The following SNX4 variants were observed in gnomAD, a reference collection of about 807,000 sequenced individuals.
The protein encoded by SNX4 is sorting nexin-4.
Under a neutral mutation model 70.8 loss-of-function variants are expected in SNX4, and 49 were observed. The observed-to-expected ratio is 0.69, with a 90% CI of 0.55 to 0.88. The LOEUF is 0.88. Among genes scored for constraint, SNX4 ranks in the 40% least tolerant of loss-of-function variants. The probability of loss-of-function intolerance (pLI) is 0.00; values close to 1 mark genes in which losing one functional copy is unlikely to be tolerated. For missense variants in SNX4, 528 were observed against 544.8 expected (o/e 0.97, Z 0.31); for synonymous variants, 206 against 183.8 (o/e 1.12, Z -0.98).
At chr3:125,473,563 CGCCATCATGCCCG>C (rs1231589388) in intron 8 of SNX4, among the ~76,000 whole-genome samples, 1 of 152,064 alleles carries the variant, frequency 6.6e-6, no homozygotes, top group Non-Finnish European at 1.5e-5. Flanking sequence ...TACAGGCACA[CGCCATCATGCCCG>C]GCTAATTTTT....
chr3:125,519,022 A>T (rs188109502), intron 1 of SNX4, among the ~76,000 whole-genome samples: 195 of 151,944 alleles, frequency 1.3e-3, no homozygotes, highest in South Asian at 3.5e-3. Flanking sequence ...ATAAATAAAT[A>T]AATAAATTAA....
chr3:125,506,539 C>T (rs917281867), intron 1 of SNX4, among the ~76,000 whole-genome samples: 5 of 141,044 alleles, frequency 3.5e-5, no homozygotes, highest in Admixed American at 7.5e-5. Context: ...GACAGTCTTG[C>T]TCTATCGCCA....
chr3:125,448,516 A>G (rs1016341736), intron 13 of SNX4, among the ~76,000 whole-genome samples: 3 of 152,024 alleles, frequency 2.0e-5, no homozygotes, highest in Non-Finnish European at 2.9e-5. Flanking sequence ...TATCACTCTA[A>G]TAACTAAAGT....
Position 125,497,398 on chromosome 3 carries a change from G to C in SNX4, c.550-10C>G, listed in dbSNP as rs747207457. The stretch of plus-strand genomic sequence containing the variant: ...CCTTCCAGTTACCTTCCTAAAAATT[G>C]AAGTTAATTTTAGAAATCATTATTG... On this transcript the variant is annotated splice_polypyrimidine_tract_variant and intron_variant, in intron 4 of 13. Coordinates refer to ENST00000251775, the MANE Select transcript of SNX4 (RefSeq NM_003794.4). 1 of 1,569,406 alleles carries C rather than the reference G, an allele frequency of 6.4e-7. No individual in the cohort carries two copies. The highest frequency in any genetic ancestry group is 1.4e-5 in the African/African-American group (1 of 73,990).
At chr3:125,476,350 T>C (rs1269615856) in intron 8 of SNX4, among the ~76,000 whole-genome samples, 1 of 146,268 alleles carries the variant, frequency 6.8e-6, no homozygotes, top group East Asian at 2.1e-4. Context: ...GGCAGGCAGA[T>C]CACTTGAGGT....
At chr3:125,489,979 A>C (rs963775829) in intron 5 of SNX4, among the ~76,000 whole-genome samples, 5 of 152,140 alleles carry the variant, frequency 3.3e-5, no homozygotes, top group Admixed American at 6.5e-5. Flanking sequence ...ATACAAAAAA[A>C]TTAACTGGGT....
chr3:125,489,605 A>T, intron 5 of SNX4, 142 bp from the exon 6 acceptor site: 1 of 660,878 alleles, frequency 1.5e-6, no homozygotes, highest in South Asian at 1.9e-5. Context: ...ACATGCCTAA[A>T]AAAATAGCTT....
intron 1 of SNX4, among the ~76,000 whole-genome samples, chr3:125,506,418 G>A (rs995096848): frequency 4.7e-5 from 7 of 149,858 alleles, no homozygotes; most frequent in African/African-American, 1.7e-4. Context: ...TCAATTCAGC[G>A]CAACCTCAGG....
intron 6 of SNX4, among the ~76,000 whole-genome samples, chr3:125,483,440 A>T (rs1246859332): frequency 3.9e-5 from 6 of 152,164 alleles, no homozygotes; most frequent in Admixed American, 2.6e-4. Context: ...ATCTGGCATG[A>T]CTACAAAATT....
chr3:125,447,931 G>C lies in SNX4; in HGVS notation c.1306-105C>G, dbSNP rs562176509. On this transcript the variant is annotated intron_variant, in intron 13 of 13. Transcript: ENST00000251775. ...AAGTTTTGCTTTTTGGAATAATTAAGAAGTCGAGAAAATATGACACTATTT... is the reference window on the plus strand; with the variant it reads ...AAGTTTTGCTTTTTGGAATAATTAACAAGTCGAGAAAATATGACACTATTT... 272 of 649,376 alleles carry C rather than the reference G, an allele frequency of 4.2e-4. 2 individuals are homozygous for C. The South Asian group carries it at 5.4e-3, about 13-fold the overall frequency. 40.2% of individuals were successfully genotyped at this position (649,376 alleles called of 1,614,324 possible).
intron 13 of SNX4, among the ~76,000 whole-genome samples, chr3:125,450,535 G>T (rs1457353888): frequency 2.0e-5 from 3 of 152,174 alleles, no homozygotes; most frequent in Admixed American, 1.3e-4. Flanking sequence ...ATGTAAAAGT[G>T]CTTGATAAAT....
At chr3:125,494,707 T>C (rs1934743759) in intron 5 of SNX4, among the ~76,000 whole-genome samples, 1 of 152,210 alleles carries the variant, frequency 6.6e-6, no homozygotes, top group Non-Finnish European at 1.5e-5. Flanking sequence ...AACAATCCCA[T>C]CAACTGAGTT....
Position 125,453,795 on chromosome 3 carries a change from T to A in SNX4, c.1190+15A>T, listed in dbSNP as rs1176591777. ...TCTACAAGCCTAGCTTACTTAAACA[T>A]CGCAGCATCTTTACCTGCCTTCCAG... On this transcript the variant is annotated intron_variant, in intron 12 of 13. Transcript: ENST00000251775. 1.2e-6 allele frequency: 2 copies of A among 1,612,802 alleles called. No individual in the cohort carries two copies. Among genetic ancestry groups the A allele is most frequent in the African/African-American group, 2.7e-5 (2 of 74,870 alleles).
At chr3:125,490,766 C>T (rs986987391) in intron 5 of SNX4, among the ~76,000 whole-genome samples, 4 of 150,862 alleles carry the variant, frequency 2.7e-5, no homozygotes, top group African/African-American at 9.7e-5. Flanking sequence ...CCTGTCCTGT[C>T]CTAAATTCTC....
intron 10 of SNX4, among the ~76,000 whole-genome samples, chr3:125,458,170 A>ATTT (rs397875260): frequency 5.7e-5 from 7 of 122,718 alleles, no homozygotes; most frequent in Non-Finnish European, 6.7e-5. Flanking sequence ...TCTATTAGGT[A>ATTT]TTTTTTTTTT....
In SNX4 at chr3:125,457,300, G is replaced by A. The variant is rs771740682; in HGVS notation, c.1010C>T (p.Ser337Phe). The change falls in exon 11 of 14, where the codon TCC becomes TTC. Residue 337 changes from serine to phenylalanine, a missense_variant. Around this residue, in one of 3 missense-constraint regions of SNX4, gnomAD observed 159 missense variants for 172.6 expected, o/e 0.92. Transcript: ENST00000251775. ...CAGTTCCTCACACTGCTGCTTCTTG[G>A]ATGCTAAGTCCTGAGCAGCCATCTC... is the stretch of plus-strand genomic sequence containing the variant. ...DLEMAAQDLASKKQQCEELVT... is the reference protein window; with the variant it reads ...DLEMAAQDLAFKKQQCEELVT... 1.9e-6 allele frequency: 3 copies of A among 1,613,830 alleles called. No homozygotes were observed. Among genetic ancestry groups the A allele is most frequent in the East Asian group, 4.5e-5 (2 of 44,874 alleles).
At position 125,497,942 on chromosome 3, in the gene SNX4, A is replaced by G; in HGVS notation, c.441T>C (p.Asp147=). The G allele has an allele frequency of 6.2e-7, 1 of 1,614,178 alleles. No individual in the cohort carries two copies. The highest frequency in any genetic ancestry group is 1.1e-5 in the South Asian group (1 of 91,078). The stretch of plus-strand genomic sequence containing the variant: ...TCCGTCGCCTCTCCACAAAATCTGG[A>G]TCCATGTTGTCAGCAGAGAGTTTAT... ...VWHKLSADNM[D]PDFVERRRIG... The change falls in exon 4 of 14, where the codon GAT becomes GAC. Residue 147 remains aspartate (D), a synonymous_variant. Transcript: ENST00000251775.
In SNX4 at chr3:125,459,271, T is replaced by C. The variant is rs72977719; in HGVS notation, c.944+1500A>G. 7.2e-3 allele frequency among the ~76,000 whole-genome samples: 1,101 copies of C among 152,344 alleles called. 7 individuals carry two copies. The highest frequency in any genetic ancestry group is 0.022 in the African/African-American group (895 of 41,584). On this transcript the variant is annotated intron_variant, in intron 10 of 13. Transcript: ENST00000251775. ...ATATAATCGGTGTTACCAGATAGTA[T>C]ATAATCTTTCAGAATTTAGCTAGGC...
Position 125,460,877 on chromosome 3 carries a change from AAC to A in SNX4, c.855-19_855-18del. ...GATGCATACCTGTTTTAAAAAAAAA[AAC>A]ACACATTGCATAGAGTTACTTTCAT... is the stretch of plus-strand genomic sequence containing the variant. On this transcript the variant is annotated intron_variant, in intron 9 of 13. Coordinates refer to ENST00000251775, the MANE Select transcript of SNX4 (RefSeq NM_003794.4). 1 of 1,229,850 alleles carries A rather than the reference AAC, an allele frequency of 8.1e-7. No individual in the cohort carries two copies. The highest frequency in any genetic ancestry group is 1.9e-5 in the African/African-American group (1 of 52,232). 76.2% of individuals were successfully genotyped at this position (1,229,850 alleles called of 1,614,324 possible). A position where few individuals can be genotyped will look rare whatever the true frequency, so the allele number is the denominator to read the frequency against.
Sources: allele counts gnomAD v4.1 joint callset (sites outside exome capture counted in the v4.1 genomes callset), GRCh38; gene constraint gnomAD v4.1.1; regional missense constraint gnomAD v4.1.1; transcripts MANE v1.5; gene names NCBI Gene and HGNC (gene_info 2026-07-23, HGNC 2026-07-21).